Variants in ANO6 observed in about 807,000 individuals in gnomAD.
The protein encoded by ANO6 is anoctamin-6.
In ANO6, 106 loss-of-function variants were observed where a neutral mutation model predicts 117.5. That is an observed-to-expected ratio of 0.90 (90% CI 0.77 to 1.06). The LOEUF is 1.06. Among genes scored for constraint, ANO6 ranks in the 50% least tolerant of loss-of-function variants. The pLI is 0.00. For synonymous variants in ANO6, 367 were observed against 385.1 expected (o/e 0.95, Z 0.55); for missense variants, 955 against 1,121.1 (o/e 0.85, Z 2.12).
intron 15 of ANO6, among the ~76,000 whole-genome samples, chr12:45,407,480 TCACCCC>T (rs1320111598): frequency 1.0e-4 from 1 of 9,680 alleles, no homozygotes; most frequent in East Asian, 3.4e-3. Context: ...GCTACCTGAG[TCACCCC>T]CCCCCCCCCC....
At chr12:45,219,243 T>G (rs926160064) in intron 1 of ANO6, among the ~76,000 whole-genome samples, 2 of 152,202 alleles carry the variant, frequency 1.3e-5, no homozygotes, top group Non-Finnish European at 2.9e-5. Flanking sequence ...AGATGCTTTA[T>G]GTATGTATAT....
intron 9 of ANO6, among the ~76,000 whole-genome samples, chr12:45,377,589 A>G (rs910015935): frequency 1.3e-5 from 2 of 152,218 alleles, no homozygotes; most frequent in African/African-American, 4.8e-5. Context: ...GTCTCTTAAC[A>G]GGAAAAACAG....
chr12:45,347,156 A>G (rs1941156757), intron 4 of ANO6, 69 bp downstream of exon 4: 1 of 1,459,716 alleles, frequency 6.9e-7, no homozygotes. Flanking sequence ...CACTTGGAAT[A>G]CTTGGGTGAC....
At chr12:45,250,183 C>T (rs976705625) in intron 1 of ANO6, among the ~76,000 whole-genome samples, 2 of 152,078 alleles carry the variant, frequency 1.3e-5, no homozygotes, top group African/African-American at 2.4e-5. Flanking sequence ...GTAACAGCGG[C>T]GTTTACCTGA....
chr12:45,407,730 G>T (rs1274763751), intron 15 of ANO6, among the ~76,000 whole-genome samples: 1 of 152,110 alleles, frequency 6.6e-6, no homozygotes, highest in African/African-American at 2.4e-5. Context: ...ATCCCATTCA[G>T]CAGGTTTTGA....
At chr12:45,367,661 A>T (rs1419788645) in intron 8 of ANO6, 27 bp from the exon 9 acceptor site, 1 of 1,589,452 alleles carries the variant, frequency 6.3e-7, no homozygotes, top group East Asian at 2.2e-5. Flanking sequence ...AATTTTTTAA[A>T]ATTAAGTTTT....
At chr12:45,337,529 G>C (rs985590698) in intron 3 of ANO6, among the ~76,000 whole-genome samples, 126 of 152,150 alleles carry the variant, frequency 8.3e-4, no homozygotes, top group African/African-American at 3.0e-3. Context: ...CTGTTGTTAA[G>C]CAATGCATGA....
Position 45,344,008 on chromosome 12 carries a change from C to T in ANO6, c.280-3014C>T, listed in dbSNP as rs576918979. On this transcript the variant is annotated intron_variant, in intron 3 of 19. Coordinates refer to ENST00000320560, the MANE Select transcript of ANO6 (RefSeq NM_001025356.3). ...AGTAGCTGAATTTCATGGGAGACCA[C>T]GAAAAGGAGTGTCTGTGTTTTTATC... 2.6e-5 allele frequency among the ~76,000 whole-genome samples: 4 copies of T among 152,180 alleles called. No homozygotes were observed. The East Asian group carries it at 5.8e-4, about 22-fold the overall frequency.
chr12:45,255,094 TTC>T (rs1305004831), intron 1 of ANO6, among the ~76,000 whole-genome samples: 1 of 152,226 alleles, frequency 6.6e-6, no homozygotes, highest in African/African-American at 2.4e-5. Context: ...ACAGCTTTAT[TTC>T]TGTTTACTAG....
At chr12:45,344,733 A>G (rs993854973) in intron 3 of ANO6, among the ~76,000 whole-genome samples, 1 of 152,194 alleles carries the variant, frequency 6.6e-6, no homozygotes, top group Non-Finnish European at 1.5e-5. Flanking sequence ...TTACCCAATA[A>G]TAAAGAGGTA....
chr12:45,378,595 A>G (rs1363135003), intron 10 of ANO6, among the ~76,000 whole-genome samples: 1 of 152,186 alleles, frequency 6.6e-6, no homozygotes, highest in Non-Finnish European at 1.5e-5. Flanking sequence ...TTTTAAGCCT[A>G]TTGTTGCACC....
At chr12:45,328,977 A>T (rs1224105988) in intron 2 of ANO6, among the ~76,000 whole-genome samples, 3 of 152,290 alleles carry the variant, frequency 2.0e-5, no homozygotes, top group South Asian at 4.1e-4. Context: ...CATTAACCCA[A>T]ATGAGCCTGG....
Position 45,346,028 on chromosome 12 carries a change from G to T in ANO6, c.280-994G>T, listed in dbSNP as rs186678589. Among the ~76,000 whole-genome samples, 523 of 151,998 alleles carry T rather than the reference G, an allele frequency of 3.4e-3. 2 individuals carry two copies. The highest frequency in any genetic ancestry group is 6.2e-3 in the Non-Finnish European group (421 of 67,952). On this transcript the variant is annotated intron_variant, in intron 3 of 19. Transcript: ENST00000320560. Reference sequence around the variant, plus strand: ...CAAAAGGGGGCCAAACTTTTATAAGGAGCTCATTCCATGCTAATAAACTCC... The same window carrying T: ...CAAAAGGGGGCCAAACTTTTATAAGTAGCTCATTCCATGCTAATAAACTCC...
Position 45,404,950 on chromosome 12 carries a change from G to A in ANO6, c.1880+1414G>A, listed in dbSNP as rs543647651. Among the ~76,000 whole-genome samples, 6 of 152,014 alleles carry A rather than the reference G, an allele frequency of 3.9e-5. No individual in the cohort carries two copies. The South Asian group carries it at 1.2e-3, about 32-fold the overall frequency. On this transcript the variant is annotated intron_variant, in intron 15 of 19. Transcript: ENST00000320560. Reference sequence around the variant, plus strand: ...CTTTATTGAGCAGTTAACTCACTCCGGGTTTCAGTGCCTCCTTCCAGATTT... The same window carrying A: ...CTTTATTGAGCAGTTAACTCACTCCAGGTTTCAGTGCCTCCTTCCAGATTT...
intron 2 of ANO6, among the ~76,000 whole-genome samples, chr12:45,303,584 C>T (rs564337434): frequency 2.2e-4 from 33 of 152,286 alleles, no homozygotes; most frequent in Middle Eastern, 3.4e-3. Flanking sequence ...CAAGAACAGC[C>T]TTGAGTGTAT....
At chr12:45,406,077 C>A (rs967974069) in intron 15 of ANO6, among the ~76,000 whole-genome samples, 2 of 152,238 alleles carry the variant, frequency 1.3e-5, no homozygotes, top group South Asian at 2.1e-4. Flanking sequence ...CCTCTTCCTT[C>A]CTTCCTCTCC....
At chr12:45,402,985 G>T (rs1390111151) in intron 13 of ANO6, 87 bp from the exon 14 acceptor site, 2 of 1,240,104 alleles carry the variant, frequency 1.6e-6, no homozygotes, top group Non-Finnish European at 2.3e-6. Context: ...CGTGTTTAAC[G>T]TGTTAACTCA....
intron 1 of ANO6, among the ~76,000 whole-genome samples, chr12:45,225,541 T>C (rs116331178): frequency 0.011 from 1,664 of 152,008 alleles, 26 homozygotes; most frequent in African/African-American, 0.037. Context: ...TAGGCTGGAG[T>C]GCAGTGGCAA....
Position 45,429,504 on chromosome 12 carries a change from G to A in ANO6, c.*193G>A. 7.1e-7 allele frequency: 1 copy of A among 1,399,540 alleles called. No individual in the cohort carries two copies. Among genetic ancestry groups the A allele is most frequent in the African/African-American group, 1.5e-5 (1 of 68,954 alleles). The allele number at this position is 1,399,540 out of a possible 1,614,324, so 86.7% of individuals were successfully genotyped here. A position where few individuals can be genotyped will look rare whatever the true frequency, so the allele number is the denominator to read the frequency against. On this transcript the variant is annotated 3_prime_UTR_variant, in exon 20 of 20. Transcript: ENST00000320560. ...AAAATGTAAAACTTAGATCATGAAGGGCATAAAACTTATCACCCGGAAAAC... is the reference window on the plus strand; with the variant it reads ...AAAATGTAAAACTTAGATCATGAAGAGCATAAAACTTATCACCCGGAAAAC...
Sources: gnomAD v4.1 joint callset for allele counts (sites outside exome capture counted in the v4.1 genomes callset) on GRCh38, gnomAD v4.1.1 for gene constraint, MANE v1.5 for transcripts, NCBI Gene and HGNC (gene_info 2026-07-23, HGNC 2026-07-21) for gene names.